The following DLC1 variants were observed in gnomAD, a reference collection of about 807,000 sequenced individuals.
The protein encoded by DLC1 is DLC1 Rho GTPase activating protein.
In DLC1, 54 loss-of-function variants were observed where a neutral mutation model predicts 140.3. The ratio of observed to expected loss-of-function variants is 0.38; its 90% CI spans 0.31 to 0.48. The LOEUF (loss-of-function observed/expected upper bound fraction) is 0.48, where lower values mean the gene tolerates loss of function less well. Ranked by LOEUF, DLC1 falls within the 20% of genes least tolerant of loss-of-function variation. DLC1 has a pLI of 0.96. For missense variants in DLC1, 2,536 were observed against 1,907.0 expected (o/e 1.33, Z -6.14); for synonymous variants, 986 against 728.1 (o/e 1.35, Z -5.70).
chr8:13,138,664 GTAAC>G (rs1407210004), intron 5 of DLC1, among the ~76,000 whole-genome samples: 3 of 152,200 alleles, frequency 2.0e-5, no homozygotes, highest in South Asian at 4.1e-4. Flanking sequence ...ATTAAGGAAA[GTAAC>G]TAAGTTAGAA....
chr8:13,580,845 G>A (rs1407168777), intron 1 of DLC1, among the ~76,000 whole-genome samples: 3 of 152,186 alleles, frequency 2.0e-5, no homozygotes, highest in Admixed American at 6.5e-5. Flanking sequence ...GAGAAAAAGC[G>A]GGACAGCCTC....
intron 2 of DLC1, among the ~76,000 whole-genome samples, chr8:13,471,373 G>A (rs1223354482): frequency 6.6e-6 from 1 of 151,802 alleles, no homozygotes; most frequent in Non-Finnish European, 1.5e-5. Flanking sequence ...GATTGATTGT[G>A]GCCATTATTC....
Position 13,448,308 on chromosome 8 carries a change from G to T in DLC1, c.1024-46689C>A, listed in dbSNP as rs1798880590. On this transcript the variant is annotated intron_variant, in intron 2 of 17. Coordinates refer to ENST00000276297, the MANE Select transcript of DLC1 (RefSeq NM_182643.3). ...GAGCAATAGTCATGGGATTTCCCAG[G>T]ACTGAAAGAATATCTTCTTTGCTGT... Among the ~76,000 whole-genome samples the T allele has an allele frequency of 2.0e-5, 3 of 151,994 alleles. No homozygotes were observed. In the South Asian group the frequency reaches 6.2e-4, roughly 32 times the overall value.
chr8:13,100,903 A>T, intron 8 of DLC1, 133 bp from the exon 9 acceptor site: 2 of 762,506 alleles, frequency 2.6e-6, no homozygotes, highest in Non-Finnish European at 3.6e-6. Flanking sequence ...TTAATTTTAA[A>T]GTTTTTTTTT....
chr8:13,591,433 G>A (rs1041499946), intron 1 of DLC1, among the ~76,000 whole-genome samples: 8 of 151,992 alleles, frequency 5.3e-5, no homozygotes, highest in Non-Finnish European at 7.4e-5. Flanking sequence ...CTGCTGGCAC[G>A]CCTTCTCTCT....
chr8:13,405,912 T>TTTTCTTTTCTTTC lies in DLC1; in HGVS notation c.1024-4306_1024-4294dup, dbSNP rs1200724867. Among the ~76,000 whole-genome samples, 106 of 120,488 alleles carry TTTTCTTTTCTTTC rather than the reference T, an allele frequency of 8.8e-4. 1 individual carries two copies. The highest frequency in any genetic ancestry group is 3.3e-3 in the African/African-American group (103 of 31,090). 79.0% of individuals were successfully genotyped at this position (120,488 alleles called of 152,430 possible). A position where few individuals can be genotyped will look rare whatever the true frequency, so the allele number is the denominator to read the frequency against. ...TTCTTTCTTTCTTTTTCTTTCTTTC[T>TTTTCTTTTCTTTC]TTTCTTTTCTTTCTTTCTTTCTTTC... is the stretch of plus-strand genomic sequence containing the variant. On this transcript the variant is annotated intron_variant, in intron 2 of 17. Coordinates refer to ENST00000276297, the MANE Select transcript of DLC1 (RefSeq NM_182643.3).
chr8:13,110,860 C>G (rs752493873), intron 6 of DLC1, 37 bp from the exon 7 acceptor site: 6 of 1,604,832 alleles, frequency 3.7e-6, no homozygotes, highest in Non-Finnish European at 5.1e-6. Flanking sequence ...TGTTGAGCGC[C>G]TAAAACCCAA....
At chr8:13,478,126 T>C (rs1251776307) in intron 2 of DLC1, among the ~76,000 whole-genome samples, 1 of 152,208 alleles carries the variant, frequency 6.6e-6, no homozygotes, top group East Asian at 1.9e-4. Flanking sequence ...AACTGGCTTA[T>C]GGTTCTGCAG....
At chr8:13,475,198 G>GT (rs1379619208) in intron 2 of DLC1, among the ~76,000 whole-genome samples, 1 of 152,012 alleles carries the variant, frequency 6.6e-6, no homozygotes, top group Non-Finnish European at 1.5e-5. Flanking sequence ...ATTGATTGCT[G>GT]TTTTTTCTGT....
intron 5 of DLC1, among the ~76,000 whole-genome samples, chr8:13,136,314 A>G (rs772554025): frequency 6.6e-6 from 1 of 150,980 alleles, no homozygotes; most frequent in South Asian, 2.1e-4. Flanking sequence ...CAGTTTTTCA[A>G]CTCCTTCTCC....
chr8:13,170,061 C>G (rs1265164033), intron 5 of DLC1, among the ~76,000 whole-genome samples: 1 of 151,964 alleles, frequency 6.6e-6, no homozygotes, highest in Non-Finnish European at 1.5e-5. Context: ...ATATTTCATG[C>G]TTTAGGTCCC....
At chr8:13,126,923 C>T (rs1325678908) in intron 5 of DLC1, among the ~76,000 whole-genome samples, 3 of 152,150 alleles carry the variant, frequency 2.0e-5, no homozygotes, top group African/African-American at 7.2e-5. Flanking sequence ...CCCATATTTT[C>T]GTCCATTCTA....
intron 5 of DLC1, among the ~76,000 whole-genome samples, chr8:13,269,701 C>CAAAAAAA (rs57030004): frequency 2.2e-4 from 22 of 99,444 alleles, no homozygotes; most frequent in South Asian, 3.6e-4. Context: ...AAAACTCTGT[C>CAAAAAAA]AAAAAAAAAA....
intron 5 of DLC1, among the ~76,000 whole-genome samples, chr8:13,285,644 C>G (rs986451249): frequency 6.6e-6 from 1 of 152,062 alleles, no homozygotes; most frequent in Non-Finnish European, 1.5e-5. Flanking sequence ...AAAAGACTGA[C>G]CATACTAAGT....
intron 7 of DLC1, among the ~76,000 whole-genome samples, chr8:13,107,187 T>C (rs1038014152): frequency 5.3e-5 from 8 of 152,244 alleles, no homozygotes; most frequent in Non-Finnish European, 1.2e-4. Flanking sequence ...CTTGTAACTT[T>C]TGGTTATTGC....
At chr8:13,577,789 T>C (rs1337958461) in intron 1 of DLC1, among the ~76,000 whole-genome samples, 1 of 152,174 alleles carries the variant, frequency 6.6e-6, no homozygotes, top group Non-Finnish European at 1.5e-5. Flanking sequence ...GAGAGAGTTA[T>C]GTTTTCCCTG....
intron 2 of DLC1, among the ~76,000 whole-genome samples, chr8:13,494,441 G>A (rs1446089735): frequency 1.3e-5 from 2 of 152,076 alleles, no homozygotes; most frequent in Admixed American, 6.6e-5. Flanking sequence ...CACAGGGTGC[G>A]ATCACCCCTG....
intron 5 of DLC1, among the ~76,000 whole-genome samples, chr8:13,299,978 C>A (rs147980618): frequency 6.6e-6 from 1 of 152,254 alleles, no homozygotes; most frequent in East Asian, 1.9e-4. Flanking sequence ...AAGATACATG[C>A]ACACATATGT....
chr8:13,221,703 TGTGTGTATATG>T (rs1279698531), intron 5 of DLC1, among the ~76,000 whole-genome samples: 1 of 119,708 alleles, frequency 8.4e-6, no homozygotes, highest in African/African-American at 3.3e-5. Flanking sequence ...TGTGTATATG[TGTGTGTATATG>T]TGTGTGTGTG....
Sources: gnomAD v4.1 joint callset for allele counts (sites outside exome capture counted in the v4.1 genomes callset) on GRCh38, gnomAD v4.1.1 for gene constraint, MANE v1.5 for transcripts, NCBI Gene and HGNC (gene_info 2026-07-23, HGNC 2026-07-21) for gene names.